The following RASEF variants were observed in gnomAD, a reference collection of about 807,000 sequenced individuals.
The protein encoded by RASEF is ras and EF-hand domain-containing protein.
RASEF carries 68 observed loss-of-function variants against 90.1 expected under a neutral mutation model. The observed-to-expected ratio is 0.75, with a 90% CI of 0.62 to 0.92. The LOEUF (loss-of-function observed/expected upper bound fraction) is 0.92, where lower values mean the gene tolerates loss of function less well. Among genes scored for constraint, RASEF ranks in the 40% least tolerant of loss-of-function variants. The pLI, the probability that RASEF is intolerant of heterozygous loss-of-function variation, is 0.00. For synonymous variants in RASEF, 331 were observed against 345.2 expected (o/e 0.96, Z 0.46); for missense variants, 949 against 937.2 (o/e 1.01, Z -0.16).
At chr9:83,168,262 G>A in the RASEF span, among the ~76,000 whole-genome samples, 26,957 of 152,062 alleles carry the variant, frequency 0.18, 2,460 homozygotes, top group Middle Eastern at 0.23. Flanking sequence ...TTAATGATAT[G>A]AGCATCTTTT....
chr9:83,073,221 G>C, the RASEF span, among the ~76,000 whole-genome samples: 60 of 152,148 alleles, frequency 3.9e-4, no homozygotes, highest in East Asian at 0.011. Context: ...GAGAGCCATA[G>C]GTGCCTGGAA....
At chr9:83,078,559 G>T in the RASEF span, among the ~76,000 whole-genome samples, 1 of 152,044 alleles carries the variant, frequency 6.6e-6, no homozygotes, top group Admixed American at 6.6e-5. Flanking sequence ...AGCTACCTGG[G>T]AAGCTGAGGT....
At chr9:83,183,351 T>C in the RASEF span, among the ~76,000 whole-genome samples, 1 of 152,082 alleles carries the variant, frequency 6.6e-6, no homozygotes. Context: ...GCAGTTACAA[T>C]TTTACTAGAA....
the RASEF span, among the ~76,000 whole-genome samples, chr9:83,209,095 G>A: frequency 6.6e-6 from 1 of 152,348 alleles, no homozygotes; most frequent in Middle Eastern, 3.4e-3. Context: ...TCTGGTCCCA[G>A]TATTGCTCTG....
At chr9:83,197,145 T>G in the RASEF span, among the ~76,000 whole-genome samples, 1 of 152,334 alleles carries the variant, frequency 6.6e-6, no homozygotes, top group East Asian at 1.9e-4. Context: ...TTCACCACTG[T>G]GTGAATCACC....
At chr9:83,071,730 A>G in the RASEF span, among the ~76,000 whole-genome samples, 68,401 of 151,996 alleles carry the variant, frequency 0.45, 16,092 homozygotes, top group East Asian at 0.71. Context: ...AACAGTGGTG[A>G]ATTATACTGA....
At chr9:83,120,264 T>C in the RASEF span, among the ~76,000 whole-genome samples, 1 of 152,266 alleles carries the variant, frequency 6.6e-6, no homozygotes, top group East Asian at 1.9e-4. Flanking sequence ...ATATTGAGAG[T>C]GCTGTTCCAC....
chr9:82,989,835 A>G (rs915372985), intron 16 of RASEF, among the ~76,000 whole-genome samples: 9 of 152,202 alleles, frequency 5.9e-5, no homozygotes, highest in African/African-American at 2.2e-4. Flanking sequence ...GTAGAATGTT[A>G]TTTCCTAAGA....
the RASEF span, among the ~76,000 whole-genome samples, chr9:83,177,999 T>C: frequency 1.3e-5 from 2 of 152,176 alleles, no homozygotes; most frequent in African/African-American, 4.8e-5. Context: ...ACTAATTCTT[T>C]CTTTTGCCAG....
At position 83,062,935 on chromosome 9, in the gene RASEF, C is replaced by CG; in HGVS notation, c.-69dup. Reference sequence around the variant, plus strand: ...GGGCGCAGGGCCCTCCCTGGAAGGACGGGGCCACCTGCTGCCGCCGGGAGG... The same window carrying CG: ...GGGCGCAGGGCCCTCCCTGGAAGGACGGGGGCCACCTGCTGCCGCCGGGAGG... On this transcript the variant is annotated 5_prime_UTR_variant, in exon 1 of 17. Transcript: ENST00000376447. 7.4e-7 allele frequency: 1 copy of CG among 1,352,580 alleles called. No homozygotes were observed. Among genetic ancestry groups the CG allele is most frequent in the Non-Finnish European group, 9.5e-7 (1 of 1,055,806 alleles). The allele number at this position is 1,352,580 out of a possible 1,614,324, so 83.8% of individuals were successfully genotyped here.
chr9:83,089,285 G>A, the RASEF span, among the ~76,000 whole-genome samples: 1 of 150,826 alleles, frequency 6.6e-6, no homozygotes. Flanking sequence ...TTTACATAGA[G>A]TTTTAAAAAT....
chr9:83,026,279 A>G (rs1829546997), intron 1 of RASEF, among the ~76,000 whole-genome samples: 1 of 152,190 alleles, frequency 6.6e-6, no homozygotes, highest in African/African-American at 2.4e-5. Flanking sequence ...ACCCCTGATA[A>G]GACATGTTTC....
At chr9:83,144,382 AGAAAGAAAG>A in the RASEF span, among the ~76,000 whole-genome samples, 44 of 57,182 alleles carry the variant, frequency 7.7e-4, 2 homozygotes, top group African/African-American at 3.1e-3. Flanking sequence ...AAAGAAAGAA[AGAAAGAAAG>A]GAAAGAAAGA....
chr9:82,998,767 A>ATG (rs1315055716), intron 12 of RASEF, among the ~76,000 whole-genome samples: 2 of 151,818 alleles, frequency 1.3e-5, no homozygotes, highest in Non-Finnish European at 2.9e-5. Flanking sequence ...GTGTGTGTAC[A>ATG]TGTGTGTATG....
At chr9:83,033,850 A>G (rs1304743092) in intron 1 of RASEF, among the ~76,000 whole-genome samples, 1 of 152,202 alleles carries the variant, frequency 6.6e-6, no homozygotes, top group African/African-American at 2.4e-5. Flanking sequence ...CTTTTTGGGT[A>G]AGAACAAGGA....
intron 4 of RASEF, among the ~76,000 whole-genome samples, chr9:83,015,164 G>C (rs895090338): frequency 6.6e-6 from 1 of 152,148 alleles, no homozygotes; most frequent in African/African-American, 2.4e-5. Context: ...TTTGCAATAA[G>C]CTAGGGGTAG....
intron 3 of RASEF, among the ~76,000 whole-genome samples, chr9:83,016,427 G>A (rs915811879): frequency 6.6e-6 from 1 of 151,946 alleles, no homozygotes; most frequent in Non-Finnish European, 1.5e-5. Context: ...GAGAATGGCA[G>A]TAAGGCACCC....
chr9:83,161,261 G>A, the RASEF span, among the ~76,000 whole-genome samples: 1 of 152,296 alleles, frequency 6.6e-6, no homozygotes, highest in East Asian at 1.9e-4. Context: ...GCCTGGAGTG[G>A]GGGCTGTACC....
chr9:83,041,466 C>T (rs1829841541), intron 1 of RASEF, among the ~76,000 whole-genome samples: 1 of 152,220 alleles, frequency 6.6e-6, no homozygotes. Flanking sequence ...AAGTATCAAA[C>T]CAAGTAAAAT....
Sources: gnomAD v4.1 joint callset for allele counts (sites outside exome capture counted in the v4.1 genomes callset) on GRCh38, gnomAD v4.1.1 for gene constraint, MANE v1.5 for transcripts, NCBI Gene and HGNC (gene_info 2026-07-23, HGNC 2026-07-21) for gene names.